The following DRICH1 variants were observed in gnomAD, a reference collection of about 807,000 sequenced individuals.
DRICH1 encodes the protein aspartate rich 1, also known as aspartate-rich protein 1.
Under a neutral mutation model 39.5 loss-of-function variants are expected in DRICH1, and 38 were observed. That is an observed-to-expected ratio of 0.96 (90% CI 0.74 to 1.26). The LOEUF is 1.26. DRICH1 is among the 50% of genes most tolerant of loss of function. The pLI is 0.00. For synonymous variants in DRICH1, 84 were observed against 99.5 expected (o/e 0.84, Z 0.93); for missense variants, 279 against 270.4 (o/e 1.03, Z -0.22).
At chr22:23,604,599 T>A (rs1926632679), downstream of DRICH1, among the ~76,000 whole-genome samples, 1 of 152,170 alleles carries the variant, frequency 6.6e-6, no homozygotes. Flanking sequence ...AACCCTCCCC[T>A]GACAGAGGGA....
the DRICH1 span, among the ~76,000 whole-genome samples, chr22:23,590,244 A>G: frequency 6.6e-6 from 1 of 150,916 alleles, no homozygotes; most frequent in Non-Finnish European, 1.5e-5. Context: ...GTTGCATTGT[A>G]CTACAAAAGC....
chr22:23,605,553 A>G (rs891495855), downstream of DRICH1, among the ~76,000 whole-genome samples: 4 of 151,908 alleles, frequency 2.6e-5, no homozygotes, highest in African/African-American at 9.7e-5. Flanking sequence ...GGAAGGGAGA[A>G]AGGAGGAGCC....
chr22:23,605,681 G>C (rs972734583), downstream of DRICH1, among the ~76,000 whole-genome samples: 4 of 152,166 alleles, frequency 2.6e-5, no homozygotes, highest in Admixed American at 2.0e-4. Flanking sequence ...CCAGAGGACT[G>C]GGGGGAGGCC....
At chr22:23,585,377 T>A in the DRICH1 span, among the ~76,000 whole-genome samples, 10 of 152,170 alleles carry the variant, frequency 6.6e-5, no homozygotes, top group Non-Finnish European at 5.9e-5. Context: ...GAACTCAAGA[T>A]CCTCCCGACT....
At chr22:23,600,880 G>C in the DRICH1 span, among the ~76,000 whole-genome samples, 6 of 151,886 alleles carry the variant, frequency 4.0e-5, no homozygotes, top group Admixed American at 3.9e-4. Context: ...CACCGTGTTA[G>C]CCAGGATGGT....
upstream of DRICH1, chr22:23,632,768 C>T (rs1921038651): frequency 6.6e-6 from 1 of 152,004 alleles, no homozygotes; most frequent in South Asian, 2.1e-4. Flanking sequence ...AAAATATTAG[C>T]TCGGCCTGGT....
intron 2 of DRICH1, among the ~76,000 whole-genome samples, chr22:23,625,587 A>G (rs1481728356): frequency 3.3e-5 from 5 of 152,128 alleles, no homozygotes; most frequent in Admixed American, 1.3e-4. Context: ...AGCCTGCCCA[A>G]CTACTTAGGT....
At chr22:23,625,436 G>A (rs967977395) in intron 2 of DRICH1, among the ~76,000 whole-genome samples, 5 of 152,054 alleles carry the variant, frequency 3.3e-5, no homozygotes, top group African/African-American at 1.2e-4. Context: ...AGGATATGCT[G>A]GGCTCCTGCT....
At chr22:23,582,572 T>TA in the DRICH1 span, among the ~76,000 whole-genome samples, 3 of 148,754 alleles carry the variant, frequency 2.0e-5, 1 homozygote, top group African/African-American at 7.4e-5. Context: ...TTATTATTAT[T>TA]ATTATTATTT....
At chr22:23,606,474 C>T (rs1569084342), downstream of DRICH1, among the ~76,000 whole-genome samples, 1 of 152,160 alleles carries the variant, frequency 6.6e-6, no homozygotes, top group Non-Finnish European at 1.5e-5. Flanking sequence ...CCATTGGCGT[C>T]GGTTGGGGCG....
chr22:23,587,180 C>T, the DRICH1 span, among the ~76,000 whole-genome samples: 5 of 152,164 alleles, frequency 3.3e-5, no homozygotes, highest in Admixed American at 2.0e-4. Flanking sequence ...ATAGCACTGC[C>T]GGGTGCCCCT....
intron 2 of DRICH1, 72 bp downstream of exon 2, chr22:23,625,909 T>C (rs1928032338): frequency 8.0e-7 from 1 of 1,247,926 alleles, no homozygotes; most frequent in African/African-American, 1.5e-5. Context: ...TTCTTTGGGT[T>C]TAGATGGGTG....
the DRICH1 span, among the ~76,000 whole-genome samples, chr22:23,598,804 G>A: frequency 0.55 from 82,799 of 149,344 alleles, 23,327 homozygotes; most frequent in East Asian, 0.79. Context: ...CCATACAGGC[G>A]CCCTCCATAC....
At chr22:23,604,368 C>T (rs966350643), downstream of DRICH1, among the ~76,000 whole-genome samples, 1 of 152,132 alleles carries the variant, frequency 6.6e-6, no homozygotes, top group African/African-American at 2.4e-5. Flanking sequence ...CTGTGGAGAC[C>T]CCTCAGGCTT....
intron 11 of DRICH1, among the ~76,000 whole-genome samples, chr22:23,611,258 C>T (rs1927017087): frequency 6.6e-6 from 1 of 152,234 alleles, no homozygotes; most frequent in African/African-American, 2.4e-5. Flanking sequence ...ATTTACTTAA[C>T]TGAGACCCAC....
At chr22:23,632,353 C>G (rs1433868565), upstream of DRICH1, 1 of 342,232 alleles carries the variant, frequency 2.9e-6, no homozygotes, top group Non-Finnish European at 5.5e-6. Context: ...ATGCTTATAA[C>G]CCACAAAGCT....
In DRICH1 at chr22:23,617,628, A is replaced by G; in HGVS notation, c.466T>C (p.Cys156Arg). The change falls in exon 7 of 12, where the codon TGC (cysteine) becomes CGC (arginine). Residue 156 changes from cysteine to arginine, a missense_variant. Transcript: ENST00000317749. ...TCATCATCTTCACTTCGTGGTAGGC[A>G]TACTAAACTCAGGTTGTCCTCAGAA... Reference protein sequence around the residue: ...CSSEDNLSLVCLPRSEDDDCD... With the variant: ...CSSEDNLSLVRLPRSEDDDCD... 6.2e-7 allele frequency: 1 copy of G among 1,614,192 alleles called. No individual in the cohort carries two copies. Among genetic ancestry groups the G allele is most frequent in the Non-Finnish European group, 8.5e-7 (1 of 1,180,014 alleles).
chr22:23,632,663 TTTGG>T (rs1202733361), upstream of DRICH1: 1 of 139,660 alleles, frequency 7.2e-6, no homozygotes, highest in Non-Finnish European at 1.6e-5. Context: ...ATCCTAGCAC[TTTGG>T]GAGGCTGAGC....
At chr22:23,585,076 CTT>C in the DRICH1 span, among the ~76,000 whole-genome samples, 2 of 152,114 alleles carry the variant, frequency 1.3e-5, no homozygotes, top group South Asian at 4.1e-4. Flanking sequence ...TCAGCAGTTT[CTT>C]TTCTCTCTTT....
Sources: allele counts gnomAD v4.1 joint callset (sites outside exome capture counted in the v4.1 genomes callset), GRCh38; gene constraint gnomAD v4.1.1; transcripts MANE v1.5; gene names NCBI Gene and HGNC (gene_info 2026-07-23, HGNC 2026-07-21).